The following ZNF462 variants were observed in gnomAD, a reference collection of about 807,000 sequenced individuals.
ZNF462 encodes zinc finger PBX1-interacting protein.
A neutral mutation model predicts 201.9 loss-of-function variants in ZNF462; 10 were observed. The ratio of observed to expected loss-of-function variants is 0.05; its 90% confidence interval spans 0.03 to 0.08. The LOEUF (loss-of-function observed/expected upper bound fraction) is 0.08, where lower values mean the gene tolerates loss of function less well. Ranked by LOEUF, ZNF462 falls within the 10% of genes least tolerant of loss-of-function variation. The probability of loss-of-function intolerance (pLI) is 1.00; values close to 1 mark genes in which losing one functional copy is unlikely to be tolerated. For missense variants in ZNF462, 2,523 were observed against 3,168.3 expected, an observed-to-expected ratio of 0.80 and a Z score of 4.89; for synonymous variants, 1,227 against 1,193.3, an observed-to-expected ratio of 1.03 and a Z score of -0.58.
rs1826675278 is a variant in ZNF462, at chr9:106,972,508, T to C, written c.6695+236T>C. 6.6e-6 allele frequency among the ~76,000 whole-genome samples: 1 copy of C among 152,168 alleles called. No homozygotes were observed. Among genetic ancestry groups the C allele is most frequent in the African/African-American group, 2.4e-5 (1 of 41,448 alleles). Reference sequence around the variant, plus strand: ...AAATGAGTTTTAAAATTGGAGCAAATGGGCTCTCAAGTAGTGTAAGATTGA... The same window carrying C: ...AAATGAGTTTTAAAATTGGAGCAAACGGGCTCTCAAGTAGTGTAAGATTGA... On this transcript the variant is annotated intron_variant, in intron 8 of 12. Transcript: ENST00000277225. The surrounding 1 kb of genome is among the most constrained non-coding windows in gnomAD (Gnocchi z 4.8).
chr9:106,894,360 G>A (rs529152444), intron 1 of ZNF462, among the ~76,000 whole-genome samples: 2 of 152,262 alleles, frequency 1.3e-5, no homozygotes, highest in South Asian at 4.2e-4. Flanking sequence ...AAAGAACTTT[G>A]TATCTCTATT....
At chr9:106,918,534 A>G (rs1304178337) in intron 1 of ZNF462, among the ~76,000 whole-genome samples, 1 of 152,208 alleles carries the variant, frequency 6.6e-6, no homozygotes, top group Non-Finnish European at 1.5e-5. Flanking sequence ...TTCAGCCATA[A>G]CAAGTGTAAA....
In ZNF462 at chr9:106,936,866, C is replaced by G. The variant is rs1385209054; in HGVS notation, c.6235+1245C>G. Among the ~76,000 whole-genome samples the G allele has an allele frequency of 2.0e-5, 3 of 152,154 alleles. No individual in the cohort carries two copies. In the East Asian group the frequency reaches 5.8e-4, roughly 29 times the overall value. On this transcript the variant is annotated intron_variant, in intron 6 of 12. Transcript: ENST00000277225. ...CCAGCGTATTAAGCTGAAGTGTCTG[C>G]TCTTGGAACTGACCCAAAAAACTGG...
chr9:106,906,773 A>G (rs1015721767), intron 1 of ZNF462, among the ~76,000 whole-genome samples: 1 of 152,250 alleles, frequency 6.6e-6, no homozygotes, highest in Admixed American at 6.5e-5. Flanking sequence ...AATTTTTCAC[A>G]TCATTAAGTA....
At chr9:106,908,928 T>C (rs1275859375) in intron 1 of ZNF462, among the ~76,000 whole-genome samples, 10 of 38,446 alleles carry the variant, frequency 2.6e-4, no homozygotes, top group Non-Finnish European at 4.6e-4. Flanking sequence ...TATATATATA[T>C]ATATATATAT....
intron 7 of ZNF462, among the ~76,000 whole-genome samples, chr9:106,942,903 A>C (rs1224509163): frequency 6.6e-6 from 1 of 152,148 alleles, no homozygotes; most frequent in African/African-American, 2.4e-5. Context: ...CCGGGGACTA[A>C]TAAGTTATTT....
intron 1 of ZNF462, among the ~76,000 whole-genome samples, chr9:106,911,025 T>G (rs575435144): frequency 6.6e-6 from 1 of 152,332 alleles, no homozygotes; most frequent in East Asian, 1.9e-4. Context: ...CTAGGTAAAA[T>G]ACTCTGATTC....
In ZNF462 at chr9:106,890,561, AAACAT is replaced by A. The variant is rs1348526477; in HGVS notation, c.-31+27207_-31+27211del. On this transcript the variant is annotated intron_variant, in intron 1 of 12. Coordinates refer to ENST00000277225, the MANE Select transcript of ZNF462 (RefSeq NM_021224.6). This position sits in a 1 kb window ranked among gnomAD's most constrained non-coding sequence, Gnocchi z 4.2. ...TAGGCTCAACTCCATTTGTAGTGAG[AAACAT>A]TTGAAGCTTGTCCCCACTCAACAAT... Among the ~76,000 whole-genome samples the A allele has an allele frequency of 2.6e-5, 4 of 152,196 alleles. No individual in the cohort carries two copies. Among genetic ancestry groups the A allele is most frequent in the African/African-American group, 9.7e-5 (4 of 41,450 alleles).
Position 106,926,564 on chromosome 9 carries a change from A to G in ZNF462, c.2652A>G (p.Ala884=), listed in dbSNP as rs564721585. The change falls in exon 3 of 13, where the codon GCA becomes GCG. Residue 884 remains alanine, a synonymous_variant. Transcript: ENST00000277225. The surrounding 1 kb of genome is among the most constrained non-coding windows in gnomAD (Gnocchi z 7.9). ...TCTTGGACCCCAATGATCACAGTGC[A>G]GTGTACAGGTGCCTGGAATGCTACA... The part of the protein sequence containing the change: ...RYILDPNDHS[A]VYRCLECYID... 4.3e-6 allele frequency: 7 copies of G among 1,614,056 alleles called. No homozygotes were observed. Among genetic ancestry groups the G allele is most frequent in the Non-Finnish European group, 5.9e-6 (7 of 1,180,028 alleles).
rs145072945 is a variant in ZNF462 at position 106,992,576 on chromosome 9, C to T, written c.7056+8167C>T. The stretch of plus-strand genomic sequence containing the variant: ...AAGAATGAGCTATTGATACATTTAA[C>T]AGCATTGAGGAATCCAAAAAATGTT... On this transcript the variant is annotated intron_variant, in intron 10 of 12. Coordinates refer to ENST00000277225, the MANE Select transcript of ZNF462 (RefSeq NM_021224.6). Among the ~76,000 whole-genome samples, 1,054 of 152,194 alleles carry T rather than the reference C, an allele frequency of 6.9e-3. 10 individuals are homozygous for T. The highest frequency in any genetic ancestry group is 0.02 in the Admixed American group (302 of 15,276).
intron 11 of ZNF462, among the ~76,000 whole-genome samples, chr9:107,004,818 G>A (rs901262314): frequency 1.2e-4 from 18 of 151,942 alleles, no homozygotes; most frequent in Non-Finnish European, 2.6e-4. Flanking sequence ...GATCTCTTGA[G>A]CTTATTTTTC....
chr9:106,890,819 A>T lies in ZNF462; in HGVS notation c.-31+27464A>T, dbSNP rs982190684. The stretch of plus-strand genomic sequence containing the variant: ...GTTGTTCAATTATCATGAGATTACC[A>T]CATACTCTTGCCTGGAATCTTGCCA... On this transcript the variant is annotated intron_variant, in intron 1 of 12. Transcript: ENST00000277225. The surrounding 1 kb of genome is among the most constrained non-coding windows in gnomAD (Gnocchi z 4.2). Among the ~76,000 whole-genome samples the T allele has an allele frequency of 6.6e-6, 1 of 152,184 alleles. No individual in the cohort carries two copies.
rs1239525360 is a variant in ZNF462 at position 106,925,550 on chromosome 9, A to T, written c.1638A>T (p.Pro546=). The T allele has an allele frequency of 6.2e-7, 1 of 1,611,920 alleles. No individual in the cohort carries two copies. Among genetic ancestry groups the T allele is most frequent in the African/African-American group, 1.3e-5 (1 of 74,726 alleles). ...PLQQQQPPQP[P]PPPPPPPPSQ... ...AGCAGCAACAGCCACCGCAGCCACCACCACCGCCGCCGCCACCACCACCAT... is the reference window on the plus strand; with the variant it reads ...AGCAGCAACAGCCACCGCAGCCACCTCCACCGCCGCCGCCACCACCACCAT... Residue 546 remains proline, a synonymous_variant, in exon 3 of 13, where the codon CCA becomes CCT. Coordinates refer to ENST00000277225, the MANE Select transcript of ZNF462 (RefSeq NM_021224.6). This position sits in a 1 kb window ranked among gnomAD's most constrained non-coding sequence, Gnocchi z 7.9.
intron 7 of ZNF462, among the ~76,000 whole-genome samples, chr9:106,964,615 T>G (rs1216792372): frequency 6.6e-6 from 1 of 152,110 alleles, no homozygotes; most frequent in Admixed American, 6.6e-5. Flanking sequence ...AGAGTCCTTC[T>G]AGATTTTTAT....
chr9:106,993,465 C>T lies in ZNF462; in HGVS notation c.7056+9056C>T, dbSNP rs1011357043. ...GATCTTTATCTTTGTTACTAGTGAG[C>T]GAGGCATCACTTGTAATCTCTTAGG... On this transcript the variant is annotated intron_variant, in intron 10 of 12. Coordinates refer to ENST00000277225, the MANE Select transcript of ZNF462 (RefSeq NM_021224.6). This position sits in a 1 kb window ranked among gnomAD's most constrained non-coding sequence, Gnocchi z 4.0. 2.0e-5 allele frequency among the ~76,000 whole-genome samples: 3 copies of T among 152,000 alleles called. No individual in the cohort carries two copies. Among genetic ancestry groups the T allele is most frequent in the Admixed American group, 6.6e-5 (1 of 15,250 alleles).
intron 1 of ZNF462, among the ~76,000 whole-genome samples, chr9:106,884,558 C>G (rs1828237628): frequency 6.6e-6 from 1 of 152,042 alleles, no homozygotes; most frequent in South Asian, 2.1e-4. Context: ...CTGCCCTGTC[C>G]CCTTCCTCCC....
chr9:106,988,600 T>C (rs1174845381), intron 10 of ZNF462, among the ~76,000 whole-genome samples: 5 of 152,204 alleles, frequency 3.3e-5, no homozygotes, highest in Admixed American at 6.5e-5. Flanking sequence ...TTGATGCAGA[T>C]TGCATTAAAT....
At chr9:106,879,503 C>T (rs976212598) in intron 1 of ZNF462, among the ~76,000 whole-genome samples, 2 of 151,970 alleles carry the variant, frequency 1.3e-5, no homozygotes, top group African/African-American at 4.8e-5. Flanking sequence ...ACATGTAGGG[C>T]GGGCAAAGGA....
At chr9:106,868,537 TGTAA>T (rs778433486) in intron 1 of ZNF462, among the ~76,000 whole-genome samples, 1 of 152,196 alleles carries the variant, frequency 6.6e-6, no homozygotes, top group Non-Finnish European at 1.5e-5. Context: ...ATATGTACAC[TGTAA>T]GTAAGGACTA....
Sources: allele counts gnomAD v4.1 joint callset (sites outside exome capture counted in the v4.1 genomes callset), GRCh38; gene constraint gnomAD v4.1.1; non-coding constraint Gnocchi (gnomAD v3.1); transcripts MANE v1.5; gene names NCBI Gene and HGNC (gene_info 2026-07-23, HGNC 2026-07-21).